CPED1: variants seen among roughly 807,000 people sequenced by gnomAD.
CPED1 encodes the protein cadherin-like and PC-esterase domain-containing protein 1.
A neutral mutation model predicts 128.2 loss-of-function variants in CPED1; 114 were observed. The ratio of observed to expected loss-of-function variants is 0.89; its 90% confidence interval spans 0.76 to 1.04. The LOEUF (loss-of-function observed/expected upper bound fraction) is 1.04, where lower values mean the gene tolerates loss of function less well. Among genes scored for constraint, CPED1 ranks in the 50% least tolerant of loss-of-function variants. The pLI is 0.00. For missense variants in CPED1, 1,211 were observed against 1,207.1 expected (o/e 1.00, Z -0.05); for synonymous variants, 462 against 426.7 (o/e 1.08, Z -1.02).
intron 7 of CPED1, among the ~76,000 whole-genome samples, chr7:121,100,329 A>G (rs1208866815): frequency 1.3e-5 from 2 of 152,190 alleles, no homozygotes; most frequent in African/African-American, 4.8e-5. Context: ...TCAATTCATC[A>G]TGATAGTTCA....
intron 4 of CPED1, among the ~76,000 whole-genome samples, chr7:121,062,078 G>T (rs1419664282): frequency 6.6e-6 from 1 of 152,202 alleles, no homozygotes; most frequent in Admixed American, 6.5e-5. Flanking sequence ...CAGGAAAATA[G>T]AAGGCAGAAG....
At chr7:121,200,693 T>C (rs1176871217) in intron 16 of CPED1, among the ~76,000 whole-genome samples, 2 of 152,094 alleles carry the variant, frequency 1.3e-5, no homozygotes, top group Non-Finnish European at 2.9e-5. Flanking sequence ...TTATCCTACA[T>C]TGGACCAGGC....
intron 16 of CPED1, among the ~76,000 whole-genome samples, chr7:121,170,361 C>G (rs1733745948): frequency 6.6e-6 from 1 of 152,020 alleles, no homozygotes; most frequent in African/African-American, 2.4e-5. Context: ...ATTTTTCTGG[C>G]CCTTCTCACC....
At chr7:121,066,063 GT>G (rs1392544667) in intron 5 of CPED1, among the ~76,000 whole-genome samples, 1 of 152,070 alleles carries the variant, frequency 6.6e-6, no homozygotes, top group Non-Finnish European at 1.5e-5. Context: ...AATTTTATTT[GT>G]TGTGAATACT....
In CPED1 at chr7:121,230,453, G is replaced by T. The variant is rs148010479; in HGVS notation, c.2056-6261G>T. 4.2e-4 allele frequency among the ~76,000 whole-genome samples: 64 copies of T among 152,102 alleles called. 1 individual carries two copies. The East Asian group carries it at 0.012, about 30-fold the overall frequency. On this transcript the variant is annotated intron_variant, in intron 16 of 22. Coordinates refer to ENST00000310396, the MANE Select transcript of CPED1 (RefSeq NM_024913.5). ...CTAATAGTAGCTTAAATAAATAAGA[G>T]ATATTTTCTTCTTATCCAATAAAAA...
At chr7:121,259,438 GATTT>G (rs1279312844) in intron 18 of CPED1, among the ~76,000 whole-genome samples, 4 of 151,954 alleles carry the variant, frequency 2.6e-5, no homozygotes, top group Admixed American at 2.0e-4. Flanking sequence ...TTCATTTATA[GATTT>G]ATTTCACTTA....
At position 121,295,437 on chromosome 7, in the gene CPED1, C is replaced by T. The variant is rs371626471; in HGVS notation, c.2869-3C>T. 37 of 1,607,706 alleles carry T rather than the reference C, an allele frequency of 2.3e-5. No individual in the cohort carries two copies. The highest frequency in any genetic ancestry group is 8.4e-5 in the Admixed American group (5 of 59,568). On this transcript the variant is annotated splice_region_variant and splice_polypyrimidine_tract_variant and intron_variant, in intron 22 of 22. Coordinates refer to ENST00000310396, the MANE Select transcript of CPED1 (RefSeq NM_024913.5). Reference sequence around the variant, plus strand: ...TCACAGTTTTCTTGCTCTTCATTTACAGGTAGTGAAATCAAAGTTATCCAA... The same window carrying T: ...TCACAGTTTTCTTGCTCTTCATTTATAGGTAGTGAAATCAAAGTTATCCAA...
At chr7:121,268,581 T>C (rs1471659178) in intron 21 of CPED1, among the ~76,000 whole-genome samples, 3 of 152,100 alleles carry the variant, frequency 2.0e-5, no homozygotes, top group Non-Finnish European at 2.9e-5. Context: ...AGCCATTCAG[T>C]GCTGGCTTCC....
intron 17 of CPED1, among the ~76,000 whole-genome samples, chr7:121,238,729 AAAATATAT>A (rs1276886651): frequency 5.4e-5 from 8 of 149,522 alleles, no homozygotes; most frequent in African/African-American, 2.0e-4. Flanking sequence ...TATAATTGAT[AAAATATAT>A]AAATATAGGA....
intron 3 of CPED1, among the ~76,000 whole-genome samples, chr7:121,041,114 T>C (rs1485023347): frequency 1.3e-5 from 2 of 152,120 alleles, no homozygotes; most frequent in Non-Finnish European, 2.9e-5. Context: ...TTTAAAAAAC[T>C]AATGTTTTTC....
chr7:121,180,424 A>T (rs552830124), intron 16 of CPED1, among the ~76,000 whole-genome samples: 1 of 152,222 alleles, frequency 6.6e-6, no homozygotes, highest in East Asian at 1.9e-4. Flanking sequence ...CTTTAAAAAA[A>T]TTCTGAGGCT....
intron 4 of CPED1, among the ~76,000 whole-genome samples, chr7:121,060,110 C>A (rs1563009693): frequency 6.6e-6 from 1 of 152,224 alleles, no homozygotes; most frequent in African/African-American, 2.4e-5. Flanking sequence ...GGCTTAGCAC[C>A]CGGGCCAGCG....
At chr7:121,126,106 A>G (rs1428762302) in intron 9 of CPED1, among the ~76,000 whole-genome samples, 1 of 152,200 alleles carries the variant, frequency 6.6e-6, no homozygotes, top group Admixed American at 6.5e-5. Context: ...TAAAATAAAC[A>G]TGAATTTTTC....
At chr7:121,134,453 G>T (rs1219284885) in intron 13 of CPED1, among the ~76,000 whole-genome samples, 1 of 151,984 alleles carries the variant, frequency 6.6e-6, no homozygotes, top group African/African-American at 2.4e-5. Flanking sequence ...TAGAGGCCAG[G>T]GAGGGTAGGA....
intron 2 of CPED1, among the ~76,000 whole-genome samples, chr7:120,998,347 C>A (rs940043403): frequency 6.6e-6 from 1 of 152,162 alleles, no homozygotes; most frequent in African/African-American, 2.4e-5. Flanking sequence ...TAACTTGTTA[C>A]CTTGGGCACA....
chr7:121,149,774 A>G (rs935948635), intron 16 of CPED1: 3 of 152,186 alleles, frequency 2.0e-5, no homozygotes, highest in African/African-American at 4.8e-5. Flanking sequence ...TTTTCCTAAA[A>G]TATTCTGCTT....
chr7:121,088,518 G>A (rs1480441362), intron 5 of CPED1, among the ~76,000 whole-genome samples: 1 of 151,596 alleles, frequency 6.6e-6, no homozygotes, highest in Non-Finnish European at 1.5e-5. Context: ...AATTAGTTGG[G>A]TGTGATGGTG....
intron 2 of CPED1, among the ~76,000 whole-genome samples, chr7:121,006,273 A>G (rs530639618): frequency 6.6e-6 from 1 of 152,010 alleles, no homozygotes. Flanking sequence ...TTGTTATTTC[A>G]TAATTGTGGA....
Position 121,099,908 on chromosome 7 carries a change from GTTTT to G in CPED1, c.750-6_750-3del, listed in dbSNP as rs33990520. ...CCCTACATTATGGAGCGCTAACTAT[GTTTT>G]TTTTTTTTTTTAGGAATGAAACGAC... On this transcript the variant is annotated splice_polypyrimidine_tract_variant and intron_variant, in intron 6 of 22. Transcript: ENST00000310396. The G allele has an allele frequency of 4.0e-5, 60 of 1,494,574 alleles. No homozygotes were observed. Among genetic ancestry groups the G allele is most frequent in the Non-Finnish European group, 4.3e-5 (47 of 1,096,968 alleles). 92.6% of individuals were successfully genotyped at this position (1,494,574 alleles called of 1,614,324 possible). A position where few individuals can be genotyped will look rare whatever the true frequency, so the allele number is the denominator to read the frequency against.
Sources: gnomAD v4.1 joint callset for allele counts (sites outside exome capture counted in the v4.1 genomes callset) on GRCh38, gnomAD v4.1.1 for gene constraint, MANE v1.5 for transcripts, NCBI Gene and HGNC (gene_info 2026-07-23, HGNC 2026-07-21) for gene names.